MRC2: variants seen among roughly 807,000 people sequenced by gnomAD.
MRC2 encodes mannose receptor C-type 2, also known as C-type mannose receptor 2.
A neutral mutation model predicts 206.2 loss-of-function variants in MRC2; 84 were observed. The observed-to-expected ratio is 0.41, with a 90% CI of 0.34 to 0.49. MRC2 has a LOEUF of 0.49. Ranked by LOEUF, MRC2 falls within the 20% of genes least tolerant of loss-of-function variation. MRC2 has a pLI of 0.31. For missense variants in MRC2, 1,676 were observed against 2,001.5 expected (o/e 0.84, Z 3.10); for synonymous variants, 798 against 800.0 (o/e 1.00, Z 0.04).
In MRC2 at chr17:62,657,940, C is replaced by T. The variant is rs113254302; in HGVS notation, c.119-6608C>T. ...TGACCCCGGCTTGGCAGAGTCCCCC[C>T]GGATCCACCTACAGGAATCCCCCCT... On this transcript the variant is annotated intron_variant, in intron 1 of 29. Coordinates refer to ENST00000303375, the MANE Select transcript of MRC2 (RefSeq NM_006039.5). 6.1e-3 allele frequency among the ~76,000 whole-genome samples: 936 copies of T among 152,250 alleles called. 11 individuals are homozygous for T. Among genetic ancestry groups the T allele is most frequent in the African/African-American group, 0.02 (843 of 41,538 alleles).
At chr17:62,691,678 T>C (rs2089113320) in intron 28 of MRC2, among the ~76,000 whole-genome samples, 1 of 149,556 alleles carries the variant, frequency 6.7e-6, no homozygotes, top group African/African-American at 2.5e-5. Context: ...GGCTGAGGCA[T>C]GTGAATTGCT....
chr17:62,682,830 T>TG (rs2088986079), intron 20 of MRC2, among the ~76,000 whole-genome samples: 1 of 151,874 alleles, frequency 6.6e-6, no homozygotes, highest in African/African-American at 2.4e-5. Flanking sequence ...TTAGTAGAGA[T>TG]GGGGTTTCAC....
intron 9 of MRC2, among the ~76,000 whole-genome samples, chr17:62,674,867 G>C (rs1433210233): frequency 6.6e-6 from 1 of 151,554 alleles, no homozygotes; most frequent in African/African-American, 2.4e-5. Flanking sequence ...TTGGCCCTTG[G>C]CCCCCCCCAG....
intron 1 of MRC2, among the ~76,000 whole-genome samples, chr17:62,646,023 A>ATT (rs34679697): frequency 0.05 from 5,287 of 106,352 alleles, 224 homozygotes; most frequent in Middle Eastern, 0.085. Context: ...GTCCTTTTCT[A>ATT]TTTTTTTTTT....
In MRC2 at chr17:62,692,238, A is replaced by G. The variant is rs147399103; in HGVS notation, c.4227A>G (p.Pro1409=). The change falls in exon 30 of 30, where the codon CCA becomes CCG. Residue 1409 remains proline (P), a synonymous_variant. Transcript: ENST00000303375. The surrounding 1 kb of genome is among the most constrained non-coding windows in gnomAD (Gnocchi z 4.2). ...EQSSFSPSAL[P]ENPAALVVVL... is the part of the protein sequence containing the mutation. ...GCCCACTCGCCTTGGCAGCGCTTCC[A>G]GAGAACCCAGCGGCCCTGGTGGTGG... The G allele has an allele frequency of 6.2e-7, 1 of 1,611,274 alleles. No homozygotes were observed. The highest frequency in any genetic ancestry group is 8.5e-7 in the Non-Finnish European group (1 of 1,178,474).
At chr17:62,682,411 A>C (rs2088979925) in intron 20 of MRC2, 34 bp downstream of exon 20, 2 of 1,588,030 alleles carry the variant, frequency 1.3e-6, no homozygotes, top group Non-Finnish European at 1.7e-6. Context: ...CAAGGGAGTC[A>C]GGGGAGAGGA....
Position 62,671,768 on chromosome 17 carries a change from G to C in MRC2, c.1237G>C (p.Gly413Arg), listed in dbSNP as rs1389065101. The change falls in exon 7 of 30, where the codon GGC becomes CGC. Residue 413 changes from glycine to arginine, a missense_variant. Gly to Arg is a moderately radical substitution (Grantham distance 125, BLOSUM62 -2). Coordinates refer to ENST00000303375, the MANE Select transcript of MRC2 (RefSeq NM_006039.5). This position sits in a 1 kb window ranked among gnomAD's most constrained non-coding sequence, Gnocchi z 4.5. The part of the protein sequence containing the change: ...WQESKKACLR[G>R]GGDLVSIHSM... ...GGAGTCCAAGAAGGCATGTCTACGGGGCGGTGGCGACCTGGTCAGCATCCA... is the reference window on the plus strand; with the variant it reads ...GGAGTCCAAGAAGGCATGTCTACGGCGCGGTGGCGACCTGGTCAGCATCCA... The C allele has an allele frequency of 6.2e-7, 1 of 1,613,088 alleles. No homozygotes were observed. Among genetic ancestry groups the C allele is most frequent in the South Asian group, 1.1e-5 (1 of 90,976 alleles).
chr17:62,660,563 C>G (rs1161559283), intron 1 of MRC2, among the ~76,000 whole-genome samples: 2 of 152,140 alleles, frequency 1.3e-5, no homozygotes, highest in African/African-American at 4.8e-5. Context: ...AAGGGCCTCA[C>G]CTTATGATTA....
In MRC2 at chr17:62,627,812, G is replaced by A. The variant is rs762007776; in HGVS notation, c.10G>A (p.Gly4Ser). Residue 4 changes from glycine to serine, a missense_variant, in exon 1 of 30, where the codon GGC (glycine) becomes AGC (serine). Gly to Ser is a moderately conservative substitution (Grantham distance 56). Around this residue, in one of 3 missense-constraint regions of MRC2, gnomAD observed 318 missense variants for 346.7 expected, o/e 0.92. Transcript: ENST00000303375. MGP[G>S]RPAPAPWPRH... ...AGCGCCGCGCTCGGGGATGGGGCCC[G>A]GCCGGCCGGCCCCCGCGCCCTGGCC... 6.9e-7 allele frequency: 1 copy of A among 1,441,204 alleles called. No individual in the cohort carries two copies. The highest frequency in any genetic ancestry group is 9.0e-7 in the Non-Finnish European group (1 of 1,105,134). 89.3% of individuals were successfully genotyped at this position (1,441,204 alleles called of 1,614,324 possible). A position where few individuals can be genotyped will look rare whatever the true frequency, so the allele number is the denominator to read the frequency against.
intron 20 of MRC2, 82 bp downstream of exon 20, chr17:62,682,459 CTT>C: frequency 1.4e-6 from 2 of 1,463,512 alleles, no homozygotes; most frequent in Non-Finnish European, 1.8e-6. Context: ...GAGTCCTGGC[CTT>C]TTGGCAGCAC....
In MRC2 at chr17:62,666,912, C is replaced by G; in HGVS notation, c.973+42C>G. ...GGGGCGCAGGGCAGCATAGGGGCCCCGCGGGCTCTTGGCCTCCCATGGACT... is the reference window on the plus strand; with the variant it reads ...GGGGCGCAGGGCAGCATAGGGGCCCGGCGGGCTCTTGGCCTCCCATGGACT... On this transcript the variant is annotated intron_variant, in intron 5 of 29. Coordinates refer to ENST00000303375, the MANE Select transcript of MRC2 (RefSeq NM_006039.5). The surrounding 1 kb of genome is among the most constrained non-coding windows in gnomAD (Gnocchi z 5.0). 1 of 1,531,928 alleles carries G rather than the reference C, an allele frequency of 6.5e-7. No homozygotes were observed. The highest frequency in any genetic ancestry group is 2.3e-5 in the East Asian group (1 of 44,256). 94.9% of individuals were successfully genotyped at this position (1,531,928 alleles called of 1,614,324 possible).
At position 62,646,255 on chromosome 17, in the gene MRC2, A is replaced by G. The variant is rs575935974; in HGVS notation, c.119-18293A>G. On this transcript the variant is annotated intron_variant, in intron 1 of 29. Transcript: ENST00000303375. ...TGGCCAGGATTGTCTTGATCTCCTG[A>G]CCTCGTGATCCACCTGCCTCAGCCT... is the stretch of plus-strand genomic sequence containing the variant. 6.7e-5 allele frequency among the ~76,000 whole-genome samples: 10 copies of G among 150,188 alleles called. No individual in the cohort carries two copies. In the South Asian group the frequency reaches 2.1e-3, roughly 32 times the overall value.
At chr17:62,634,670 A>C (rs2429401) in intron 1 of MRC2, among the ~76,000 whole-genome samples, 1 of 151,800 alleles carries the variant, frequency 6.6e-6, no homozygotes, top group South Asian at 2.1e-4. Flanking sequence ...CTGTTTTTTC[A>C]GCAAGGTCTT....
At chr17:62,678,339 C>G (rs2088919305) in intron 12 of MRC2, among the ~76,000 whole-genome samples, 165 bp from the exon 13 acceptor site, 1 of 152,232 alleles carries the variant, frequency 6.6e-6, no homozygotes, top group Admixed American at 6.5e-5. Flanking sequence ...TGCCAGCTCC[C>G]CTCCCCAGAC....
chr17:62,676,721 G>A, intron 11 of MRC2, 190 bp downstream of exon 11: 1 of 595,000 alleles, frequency 1.7e-6, no homozygotes, highest in South Asian at 3.1e-5. Context: ...TTTTAGCTGT[G>A]CATCCTCTGA....
chr17:62,632,750 G>A (rs2088260423), intron 1 of MRC2, among the ~76,000 whole-genome samples: 1 of 152,174 alleles, frequency 6.6e-6, no homozygotes, highest in African/African-American at 2.4e-5. Context: ...CATGGCCCAT[G>A]GTGACAAATC....
intron 1 of MRC2, among the ~76,000 whole-genome samples, chr17:62,654,047 G>T (rs1442335745): frequency 1.3e-5 from 2 of 152,146 alleles, no homozygotes; most frequent in Non-Finnish European, 2.9e-5. Context: ...GGCCTGGCCT[G>T]GAGGTTAAGC....
At chr17:62,632,958 C>T (rs1195488347) in intron 1 of MRC2, among the ~76,000 whole-genome samples, 3 of 152,160 alleles carry the variant, frequency 2.0e-5, no homozygotes, top group Non-Finnish European at 4.4e-5. Flanking sequence ...GTGTTTCCCC[C>T]CGTCAGTCCT....
At chr17:62,683,460 C>T (rs2088994422) in intron 20 of MRC2, among the ~76,000 whole-genome samples, 1 of 147,944 alleles carries the variant, frequency 6.8e-6, no homozygotes, top group Non-Finnish European at 1.5e-5. Context: ...AAAAGCGAAA[C>T]TCCGTCTCAA....
Sources: gnomAD v4.1 joint callset for allele counts (sites outside exome capture counted in the v4.1 genomes callset) on GRCh38, gnomAD v4.1.1 for gene constraint, gnomAD v4.1.1 regional missense constraint, Gnocchi (gnomAD v3.1) non-coding constraint, MANE v1.5 for transcripts, NCBI Gene and HGNC (gene_info 2026-07-23, HGNC 2026-07-21) for gene names.